ERCC6: variants seen among roughly 807,000 people sequenced by gnomAD.
The protein encoded by ERCC6 is DNA excision repair protein ERCC-6.
ERCC6 carries 116 observed loss-of-function variants against 158.7 expected under a neutral mutation model. That is an observed-to-expected ratio of 0.73 (90% CI 0.63 to 0.85). ERCC6 has a LOEUF of 0.85. Ranked by LOEUF, ERCC6 falls within the 40% of genes least tolerant of loss-of-function variation. The pLI, the probability that ERCC6 is intolerant of heterozygous loss-of-function variation, is 0.00. For missense variants in ERCC6, 1,698 were observed against 1,799.4 expected, an observed-to-expected ratio of 0.94 and a Z score of 1.02; for synonymous variants, 678 against 659.3, an observed-to-expected ratio of 1.03 and a Z score of -0.43.
At chr10:49,472,343 G>A (rs774548546) in intron 16 of ERCC6, 33 bp downstream of exon 16, 34 of 1,580,118 alleles carry the variant, frequency 2.2e-5, no homozygotes, top group Admixed American at 2.0e-4. Context: ...CTCTGGGAAC[G>A]CACAGCCAAG....
At chr10:49,536,089 C>G (rs947934281) in intron 1 of ERCC6, among the ~76,000 whole-genome samples, 1 of 152,082 alleles carries the variant, frequency 6.6e-6, no homozygotes, top group Non-Finnish European at 1.5e-5. Flanking sequence ...GAACTCCAGC[C>G]TGGGCAACAA....
At chr10:49,522,723 T>C (rs1325486372) in intron 5 of ERCC6, among the ~76,000 whole-genome samples, 1 of 152,232 alleles carries the variant, frequency 6.6e-6, no homozygotes, top group Non-Finnish European at 1.5e-5. Context: ...AACACTTTTA[T>C]TAATTCCTTG....
At chr10:49,513,842 T>TTCTC (rs955636908) in intron 5 of ERCC6, among the ~76,000 whole-genome samples, 6 of 151,354 alleles carry the variant, frequency 4.0e-5, no homozygotes, top group East Asian at 1.9e-4. Context: ...ACTATTGTTA[T>TTCTC]TCTCTCTCTC....
the ERCC6 span, among the ~76,000 whole-genome samples, chr10:49,436,174 C>T: frequency 2.0e-5 from 3 of 152,056 alleles, no homozygotes; most frequent in Admixed American, 1.3e-4. Flanking sequence ...TGAACCTCTA[C>T]CTCTCTCCAT....
chr10:49,475,615 A>G (rs564478537), intron 12 of ERCC6: 1 of 240,342 alleles, frequency 4.2e-6, no homozygotes, highest in Admixed American at 4.8e-5. Context: ...GACACTAGCT[A>G]GGAACTTCTG....
rs771221191 is a variant in ERCC6, at chr10:49,505,990, G to A, written c.1420C>T (p.Gln474Ter). Residue 474 changes from glutamine (Q) to a stop codon, truncating the protein, a stop_gained, in exon 6 of 21, where the codon CAG (glutamine) becomes TAG (stop). Transcript: ENST00000355832. LOFTEE classifies it high-confidence loss of function. ...RLRRWNKLRL[Q>*]DKEKRLKLED... ...AGCTTCAGACGTTTCTCTTTGTCCT[G>A]CAGTCTCAGTTTATTCCATCTCCTA... The A allele has an allele frequency of 1.2e-6, 2 of 1,613,228 alleles. No individual in the cohort carries two copies. The highest frequency in any genetic ancestry group is 1.7e-6 in the Non-Finnish European group (2 of 1,179,454).
At chr10:49,505,648 T>G (rs1590441175) in intron 6 of ERCC6, 1 of 537,736 alleles carries the variant, frequency 1.9e-6, no homozygotes. Flanking sequence ...CTGAGGCAGG[T>G]CCATATAGAT....
At position 49,458,043 on chromosome 10, in the gene ERCC6, C is replaced by T. The variant is rs967828441; in HGVS notation, c.*772G>A. 6.6e-6 allele frequency: 1 copy of T among 152,228 alleles called. No individual in the cohort carries two copies. The highest frequency in any genetic ancestry group is 1.5e-5 in the Non-Finnish European group (1 of 68,088). The allele number at this position is 152,228 out of a possible 1,614,324, so 9.4% of individuals were successfully genotyped here. A position where few individuals can be genotyped will look rare whatever the true frequency, so the allele number is the denominator to read the frequency against. ...GGCTGCAGTGATGTTTGTGTGCATG[C>T]ATGTGTGTGGTTTTTATGTACCTAC... is the stretch of plus-strand genomic sequence containing the variant. On this transcript the variant is annotated 3_prime_UTR_variant, in exon 21 of 21. Coordinates refer to ENST00000355832, the MANE Select transcript of ERCC6 (RefSeq NM_000124.4).
At chr10:49,443,396 A>G in the ERCC6 span, among the ~76,000 whole-genome samples, 2 of 152,248 alleles carry the variant, frequency 1.3e-5, no homozygotes, top group African/African-American at 4.8e-5. Flanking sequence ...GTTTCAGTCA[A>G]TCATGGATGG....
rs1414843012 is a variant in ERCC6 at position 49,524,402 on chromosome 10, T to C, written c.1028A>G (p.Gln343Arg). 6.2e-7 allele frequency: 1 copy of C among 1,614,100 alleles called. No individual in the cohort carries two copies. Among genetic ancestry groups the C allele is most frequent in the Non-Finnish European group, 8.5e-7 (1 of 1,180,046 alleles). ...TGCCTTTGGCAATCCCACTTTCCCC[T>C]GGAACTGCAAAGCCCTCTTCTGGAG... ...KKLQKRALQFQGKVGLPKARR... is the reference protein window; with the variant it reads ...KKLQKRALQFRGKVGLPKARR... Residue 343 changes from glutamine to arginine, a missense_variant, in exon 5 of 21, where the codon CAG becomes CGG. By Grantham distance (43) the Gln-to-Arg change is conservative (BLOSUM62 1). Transcript: ENST00000355832.
At chr10:49,435,904 C>T in the ERCC6 span, among the ~76,000 whole-genome samples, 6 of 151,550 alleles carry the variant, frequency 4.0e-5, no homozygotes, top group African/African-American at 1.5e-4. Flanking sequence ...GAGGCTGAAG[C>T]AGGAGAATCA....
chr10:49,459,634 T>A (rs1007321064), intron 20 of ERCC6, among the ~76,000 whole-genome samples: 2 of 152,192 alleles, frequency 1.3e-5, no homozygotes, highest in African/African-American at 4.8e-5. Context: ...ACACTGTGGA[T>A]AAGGAACAAT....
At chr10:49,487,864 T>C (rs1433696073) in intron 8 of ERCC6, among the ~76,000 whole-genome samples, 3 of 152,222 alleles carry the variant, frequency 2.0e-5, no homozygotes, top group Non-Finnish European at 2.9e-5. Flanking sequence ...AAGATGCTTA[T>C]GTAAAAAGAA....
chr10:49,470,432 A>G lies in ERCC6; in HGVS notation c.3528T>C (p.Asn1176=). 6.2e-7 allele frequency: 1 copy of G among 1,613,982 alleles called. No individual in the cohort carries two copies. The highest frequency in any genetic ancestry group is 1.1e-5 in the South Asian group (1 of 91,054). ...TTTTTGACTTGTGCTTATAAAAATT[A>G]TTTTCCATTTGTTTATTCTCCCAAA... ...EAFWENKQME[N]NFYKHKSKTK... The change falls in exon 18 of 21, where the codon AAT becomes AAC. Residue 1176 remains asparagine (N), a synonymous_variant. Transcript: ENST00000355832.
chr10:49,470,968 G>A lies in ERCC6; in HGVS notation c.3070+7C>T, dbSNP rs1850768978. Reference sequence around the variant, plus strand: ...ATTACTTTAAATTAAATGATTTTATGTAATACCTGCAAAAATTGCACTTGT... The same window carrying A: ...ATTACTTTAAATTAAATGATTTTATATAATACCTGCAAAAATTGCACTTGT... On this transcript the variant is annotated splice_region_variant and intron_variant, in intron 17 of 20. Transcript: ENST00000355832. 1.2e-6 allele frequency: 2 copies of A among 1,613,804 alleles called. No individual in the cohort carries two copies. Among genetic ancestry groups the A allele is most frequent in the African/African-American group, 2.7e-5 (2 of 74,930 alleles).
chr10:49,454,871 G>C lies in ERCC6; in HGVS notation c.*3944C>G, dbSNP rs1850460344. On this transcript the variant is annotated 3_prime_UTR_variant, in exon 21 of 21. Coordinates refer to ENST00000355832, the MANE Select transcript of ERCC6 (RefSeq NM_000124.4). ...CCAATTTAACAGAATGCAGAGCCAA[G>C]AAACATTTCCGTACATTATATGTAA... Among the ~76,000 whole-genome samples the C allele has an allele frequency of 6.6e-6, 1 of 152,124 alleles. No homozygotes were observed. The highest frequency in any genetic ancestry group is 1.5e-5 in the Non-Finnish European group (1 of 68,016).
chr10:49,512,997 C>A (rs778457703), intron 5 of ERCC6, among the ~76,000 whole-genome samples: 17 of 152,340 alleles, frequency 1.1e-4, no homozygotes, highest in Middle Eastern at 3.4e-3. Context: ...TATACACCCT[C>A]CTTCACGGTT....
At chr10:49,485,183 C>T (rs1193292346) in intron 8 of ERCC6, among the ~76,000 whole-genome samples, 1 of 152,178 alleles carries the variant, frequency 6.6e-6, no homozygotes, top group Non-Finnish European at 1.5e-5. Flanking sequence ...ACAGCAGCTC[C>T]CCAAGGAAGG....
intron 11 of ERCC6, 76 bp downstream of exon 11, chr10:49,478,262 CCAGACTCTCTCATCCG>C: frequency 3.1e-6 from 3 of 952,398 alleles, no homozygotes; most frequent in Non-Finnish European, 5.2e-6. Flanking sequence ...TCATACCTCA[CCAGACTCTCTCATCCG>C]CAGAGGAGAA....
Sources: allele counts gnomAD v4.1 joint callset (sites outside exome capture counted in the v4.1 genomes callset), GRCh38; gene constraint gnomAD v4.1.1; transcripts MANE v1.5; gene names NCBI Gene and HGNC (gene_info 2026-07-23, HGNC 2026-07-21).